ENTREP2: variants seen among roughly 807,000 people sequenced by gnomAD.
ENTREP2 encodes the protein endosomal transmembrane epsin interactor 2.
the ENTREP2 span, among the ~76,000 whole-genome samples, chr15:29,175,754 G>A: frequency 5.1e-4 from 77 of 152,182 alleles, no homozygotes; most frequent in Admixed American, 7.2e-4. Context: ...ACAGGTGCCC[G>A]CCACCATGCC....
the ENTREP2 span, among the ~76,000 whole-genome samples, chr15:29,620,426 C>G: frequency 6.6e-6 from 1 of 152,076 alleles, no homozygotes; most frequent in Non-Finnish European, 1.5e-5. Context: ...GGTGCCTGCA[C>G]TGACATTCTG....
chr15:29,280,506 A>G, the ENTREP2 span, among the ~76,000 whole-genome samples: 17 of 152,246 alleles, frequency 1.1e-4, no homozygotes, highest in Admixed American at 3.3e-4. Flanking sequence ...AAGAGGCAGG[A>G]TACAGGGAAG....
At chr15:29,632,001 G>C in the ENTREP2 span, among the ~76,000 whole-genome samples, 1 of 152,256 alleles carries the variant, frequency 6.6e-6, no homozygotes, top group African/African-American at 2.4e-5. Flanking sequence ...TGGAGGTAAA[G>C]TGGATATTAT....
the ENTREP2 span, among the ~76,000 whole-genome samples, chr15:29,655,440 C>T: frequency 6.6e-6 from 1 of 152,202 alleles, no homozygotes; most frequent in Non-Finnish European, 1.5e-5. Flanking sequence ...AAACGCCGTT[C>T]ATTTTAGCCT....
At chr15:29,528,844 G>A in the ENTREP2 span, among the ~76,000 whole-genome samples, 1 of 152,010 alleles carries the variant, frequency 6.6e-6, no homozygotes, top group African/African-American at 2.4e-5. Context: ...TCCATCCATC[G>A]CAGAACAGTT....
the ENTREP2 span, among the ~76,000 whole-genome samples, chr15:29,175,132 G>A: frequency 6.8e-4 from 103 of 152,200 alleles, no homozygotes; most frequent in African/African-American, 2.2e-3. Context: ...TGCATATGGC[G>A]GTGAGAGCCA....
chr15:29,122,853 TG>T, the ENTREP2 span: 1 of 155,982 alleles, frequency 6.4e-6, no homozygotes, highest in Non-Finnish European at 1.4e-5. Flanking sequence ...GAACGCCTAA[TG>T]ATAGAGCCAT....
At chr15:29,271,255 A>G in the ENTREP2 span, among the ~76,000 whole-genome samples, 8 of 152,244 alleles carry the variant, frequency 5.3e-5, no homozygotes, top group East Asian at 1.5e-3. Context: ...TCATTTTTTT[A>G]CAATGAGAAA....
chr15:29,450,018 T>C, the ENTREP2 span, among the ~76,000 whole-genome samples: 2 of 152,214 alleles, frequency 1.3e-5, no homozygotes, highest in African/African-American at 2.4e-5. Context: ...TGAGCATTTT[T>C]TCATAGGCTT....
the ENTREP2 span, among the ~76,000 whole-genome samples, chr15:29,274,430 T>TA: frequency 6.2e-5 from 9 of 145,102 alleles, no homozygotes; most frequent in Admixed American, 2.1e-4. Context: ...AGAGCAAACA[T>TA]AGACATGGTG....
the ENTREP2 span, among the ~76,000 whole-genome samples, chr15:29,136,026 G>A: frequency 6.6e-6 from 1 of 152,312 alleles, no homozygotes; most frequent in African/African-American, 2.4e-5. Context: ...GACGCACCTG[G>A]GCTGTGACTC....
At chr15:29,160,151 A>G in the ENTREP2 span, among the ~76,000 whole-genome samples, 1 of 152,186 alleles carries the variant, frequency 6.6e-6, no homozygotes, top group Non-Finnish European at 1.5e-5. Flanking sequence ...TCCAGCAGGC[A>G]GGGCCAGCTG....
the ENTREP2 span, among the ~76,000 whole-genome samples, chr15:29,253,878 G>A: frequency 1.9e-3 from 283 of 152,206 alleles, 2 homozygotes; most frequent in African/African-American, 6.7e-3. Context: ...TAGAGACACA[G>A]ACTTTTCCTC....
chr15:29,661,775 A>T, the ENTREP2 span, among the ~76,000 whole-genome samples: 5 of 152,332 alleles, frequency 3.3e-5, no homozygotes, highest in South Asian at 6.2e-4. Context: ...TCATTATTAA[A>T]GTAGTGTGAA....
the ENTREP2 span, among the ~76,000 whole-genome samples, chr15:29,519,884 C>T: frequency 0.011 from 1,749 of 152,244 alleles, 37 homozygotes; most frequent in African/African-American, 0.041. Flanking sequence ...TTTGTTCCTG[C>T]CCCACCCCAA....
the ENTREP2 span, among the ~76,000 whole-genome samples, chr15:29,225,814 C>T: frequency 6.6e-6 from 1 of 152,188 alleles, no homozygotes; most frequent in East Asian, 1.9e-4. Flanking sequence ...AGCCTCCGGG[C>T]CTTGTCCCCA....
At chr15:29,344,621 G>A in the ENTREP2 span, among the ~76,000 whole-genome samples, 1 of 152,216 alleles carries the variant, frequency 6.6e-6, no homozygotes, top group South Asian at 2.1e-4. Context: ...AGTTGCCTTA[G>A]TTGACCCAGC....
At chr15:29,512,239 C>G in the ENTREP2 span, among the ~76,000 whole-genome samples, 12 of 152,018 alleles carry the variant, frequency 7.9e-5, no homozygotes, top group African/African-American at 2.9e-4. Flanking sequence ...TAAAACAACC[C>G]CTCAAACTAC....
At chr15:29,248,683 C>CA in the ENTREP2 span, among the ~76,000 whole-genome samples, 2 of 151,964 alleles carry the variant, frequency 1.3e-5, no homozygotes, top group East Asian at 3.9e-4. Context: ...CAAAGAAATT[C>CA]AAATTAAACA....
Sources: gnomAD v4.1 joint callset for allele counts (sites outside exome capture counted in the v4.1 genomes callset) on GRCh38, gnomAD v4.1.1 for gene constraint, MANE v1.5 for transcripts, NCBI Gene and HGNC (gene_info 2026-07-23, HGNC 2026-07-21) for gene names.